The following CABIN1 variants were observed in gnomAD, a reference collection of about 807,000 sequenced individuals.
The protein encoded by CABIN1 is calcineurin binding protein 1.
CABIN1 carries 133 observed loss-of-function variants against 227.7 expected under a neutral mutation model. The observed-to-expected ratio is 0.58, with a 90% CI of 0.51 to 0.67. The LOEUF (loss-of-function observed/expected upper bound fraction) is 0.67. Ranked by LOEUF, CABIN1 falls within the 30% of genes least tolerant of loss-of-function variation. The probability of loss-of-function intolerance (pLI) is 0.00; values close to 1 mark genes in which losing one functional copy is unlikely to be tolerated. For missense variants in CABIN1, 2,408 were observed against 2,852.5 expected (o/e 0.84, Z 3.55); for synonymous variants, 1,086 against 1,155.1 (o/e 0.94, Z 1.21).
In CABIN1 at chr22:24,119,558, C is replaced by T; in HGVS notation, c.4492C>T (p.Pro1498Ser). Reference protein sequence around the residue: ...GEPVAFPQGLPAGAEEQRQFL... With the variant: ...GEPVAFPQGLSAGAEEQRQFL... ...GCCAGTGGCCTTCCCCCAGGGGCTG[C>T]CGGCTGGTGCTGAGGAGCAGCGGCA... is the stretch of plus-strand genomic sequence containing the variant. The change falls in exon 28 of 37, where the codon CCG becomes TCG. Residue 1498 changes from proline (P) to serine (S), a missense_variant. By Grantham distance (74) the Pro-to-Ser change is moderately conservative. Coordinates refer to ENST00000263119, the MANE Select transcript of CABIN1 (RefSeq NM_012295.4). 1 of 1,613,628 alleles carries T rather than the reference C, an allele frequency of 6.2e-7. No homozygotes were observed.
At chr22:24,107,796 G>A (rs2042596652) in intron 26 of CABIN1, among the ~76,000 whole-genome samples, 1 of 152,266 alleles carries the variant, frequency 6.6e-6, no homozygotes, top group Admixed American at 6.5e-5. Context: ...GAGCCTGTGA[G>A]CCGGTGAGCT....
intron 28 of CABIN1, among the ~76,000 whole-genome samples, chr22:24,131,036 C>A (rs1038334257): frequency 6.6e-6 from 1 of 152,226 alleles, no homozygotes; most frequent in African/African-American, 2.4e-5. Flanking sequence ...AATGTCCATT[C>A]CCGTCCCATG....
chr22:24,126,363 C>G (rs1302527202), intron 28 of CABIN1, among the ~76,000 whole-genome samples: 2 of 152,168 alleles, frequency 1.3e-5, no homozygotes, highest in African/African-American at 4.8e-5. Context: ...AAGCAAGGAC[C>G]TGAATCAAGT....
At chr22:24,094,074 C>T (rs867854848) in intron 24 of CABIN1, among the ~76,000 whole-genome samples, 1 of 152,278 alleles carries the variant, frequency 6.6e-6, no homozygotes, top group African/African-American at 2.4e-5. Context: ...CTTGGAAGAA[C>T]TCCACTTTGG....
At chr22:24,079,055 A>G (rs1249525178) in intron 19 of CABIN1, among the ~76,000 whole-genome samples, 1 of 152,164 alleles carries the variant, frequency 6.6e-6, no homozygotes, top group Non-Finnish European at 1.5e-5. Flanking sequence ...TAATTGCTTT[A>G]CAGGGTTCTA....
intron 29 of CABIN1, among the ~76,000 whole-genome samples, chr22:24,161,746 C>T (rs983284540): frequency 6.6e-6 from 1 of 152,238 alleles, no homozygotes; most frequent in Admixed American, 6.5e-5. Flanking sequence ...GAGGCCCGAA[C>T]GTGAGTCCCT....
At chr22:24,164,587 A>G in intron 30 of CABIN1, 24 bp downstream of exon 30, 4 of 1,600,286 alleles carry the variant, frequency 2.5e-6, no homozygotes, top group Non-Finnish European at 3.4e-6. Context: ...CCCTGGACAC[A>G]GCCTGGCATG....
intron 17 of CABIN1, chr22:24,071,251 A>G: frequency 3.2e-6 from 2 of 633,802 alleles, no homozygotes; most frequent in Non-Finnish European, 5.6e-6. Context: ...GGGATTAGAG[A>G]CTGTGTAGCA....
chr22:24,124,411 C>A (rs2043595712), intron 28 of CABIN1, among the ~76,000 whole-genome samples: 1 of 152,218 alleles, frequency 6.6e-6, no homozygotes, highest in African/African-American at 2.4e-5. Context: ...TCCTGAGAGA[C>A]CTTTGTTGCC....
intron 29 of CABIN1, among the ~76,000 whole-genome samples, chr22:24,135,097 A>C (rs1242267202): frequency 1.4e-5 from 2 of 145,118 alleles, no homozygotes; most frequent in Non-Finnish European, 1.5e-5. Flanking sequence ...AACAAACAAA[A>C]AAACAAATGT....
At chr22:24,080,175 A>G (rs973759642) in intron 19 of CABIN1, among the ~76,000 whole-genome samples, 1 of 152,134 alleles carries the variant, frequency 6.6e-6, no homozygotes, top group Non-Finnish European at 1.5e-5. Context: ...GGTTTTTACC[A>G]TTTTTTGAAG....
chr22:24,074,617 A>G (rs2040314728), intron 18 of CABIN1, among the ~76,000 whole-genome samples: 1 of 152,158 alleles, frequency 6.6e-6, no homozygotes, highest in African/African-American at 2.4e-5. Flanking sequence ...AAAACACACT[A>G]TGGTTGGGTG....
intron 22 of CABIN1, among the ~76,000 whole-genome samples, chr22:24,086,379 C>T (rs1458106496): frequency 6.6e-6 from 1 of 152,270 alleles, no homozygotes; most frequent in East Asian, 1.9e-4. Flanking sequence ...GGGCCTCCCT[C>T]CAACCTTCAT....
At chr22:24,038,984 C>T (rs981550727) in intron 4 of CABIN1, among the ~76,000 whole-genome samples, 8 of 152,120 alleles carry the variant, frequency 5.3e-5, no homozygotes, top group East Asian at 1.9e-4. Flanking sequence ...ACACTGGTTA[C>T]AGTAGAGAGG....
chr22:24,147,820 C>T (rs917258041), intron 29 of CABIN1, among the ~76,000 whole-genome samples: 2 of 152,154 alleles, frequency 1.3e-5, no homozygotes, highest in African/African-American at 4.8e-5. Flanking sequence ...GCTTTGTCCT[C>T]GTAGGACACT....
chr22:24,081,299 G>A (rs2040790057), intron 19 of CABIN1, among the ~76,000 whole-genome samples: 1 of 151,994 alleles, frequency 6.6e-6, no homozygotes, highest in Admixed American at 6.6e-5. Context: ...CTCTCTTTTT[G>A]GGGAGTGTTA....
chr22:24,160,581 C>T (rs1452874049), intron 29 of CABIN1, among the ~76,000 whole-genome samples: 5 of 152,214 alleles, frequency 3.3e-5, no homozygotes, highest in East Asian at 3.8e-4. Context: ...TGTCGAGCCC[C>T]GGGTTGGCCC....
At chr22:24,045,146 G>C (rs2037755767) in intron 6 of CABIN1, among the ~76,000 whole-genome samples, 1 of 152,288 alleles carries the variant, frequency 6.6e-6, no homozygotes, top group South Asian at 2.1e-4. Context: ...GGATGTTCTT[G>C]ATCTCCTGAC....
chr22:24,164,413 TC>T lies in CABIN1; in HGVS notation c.4764del (p.Val1589TrpfsTer14). The T allele has an allele frequency of 6.2e-7, 1 of 1,603,690 alleles. No homozygotes were observed. The highest frequency in any genetic ancestry group is 2.2e-5 in the East Asian group (1 of 44,864). ...TCCATCCCACAGGGCATCTGGCGGA[TC>T]CCCGTGGACGAGATTGACCGGCCGG... ...KTNFFNGIWRIPVDEIDRPGS... is the reference protein window; with the variant it reads ...KTNFFNGIWRXPVDEIDRPGS... On this transcript the variant is annotated frameshift_variant, in exon 30 of 37. Coordinates refer to ENST00000263119, the MANE Select transcript of CABIN1 (RefSeq NM_012295.4). LOFTEE classifies it high-confidence loss of function.
Sources: allele counts gnomAD v4.1 joint callset (sites outside exome capture counted in the v4.1 genomes callset), GRCh38; gene constraint gnomAD v4.1.1; transcripts MANE v1.5; gene names NCBI Gene and HGNC (gene_info 2026-07-23, HGNC 2026-07-21).